The following RAB11FIP1 variants were observed in gnomAD, a reference collection of about 807,000 sequenced individuals.
RAB11FIP1 encodes rab11 family-interacting protein 1.
RAB11FIP1 carries 49 observed loss-of-function variants against 83.1 expected under a neutral mutation model. The observed-to-expected ratio is 0.59, with a 90% CI of 0.47 to 0.75. The LOEUF (loss-of-function observed/expected upper bound fraction) is 0.75, where lower values mean the gene tolerates loss of function less well. RAB11FIP1 is among the 30% of genes least tolerant of loss of function. RAB11FIP1 has a pLI of 0.00. For missense variants in RAB11FIP1, 1,536 were observed against 1,598.7 expected (o/e 0.96, Z 0.67); for synonymous variants, 670 against 656.0 (o/e 1.02, Z -0.33).
In RAB11FIP1 at chr8:37,874,689, A is replaced by G. The variant is rs371691638; in HGVS notation, c.1448T>C (p.Leu483Pro). Residue 483 changes from leucine to proline, a missense_variant, in exon 3 of 6, where the codon CTT becomes CCT. Physicochemically the swap from Leu to Pro is moderately conservative, Grantham distance 98. Transcript: ENST00000330843. ...AGTATCTTTCTCAGATCTTCTCACA[A>G]GGTCTTCAGCAGGCCCCGATGCGTC... is the stretch of plus-strand genomic sequence containing the variant. ...GEDASGPAED[L>P]VRRSEKDTAA... 1.6e-5 allele frequency: 26 copies of G among 1,614,020 alleles called. No homozygotes were observed. The highest frequency in any genetic ancestry group is 2.2e-5 in the South Asian group (2 of 91,088).
Position 37,875,007 on chromosome 8 carries a change from G to C in RAB11FIP1, c.1130C>G (p.Ser377Cys), listed in dbSNP as rs767741616. ...GGAAGATTCGGAGAGCTGCCTGTCA[G>C]AAGACAGCCCACCTCCTTCAGCAGG... ...KEPAEGGGLS[S>C]DRQLSESSTK... is the part of the protein sequence containing the mutation. The change falls in exon 3 of 6, where the codon TCT becomes TGT. Residue 377 changes from serine to cysteine, a missense_variant. By Grantham distance (112) the Ser-to-Cys change is moderately radical. Transcript: ENST00000330843. 1 of 1,614,164 alleles carries C rather than the reference G, an allele frequency of 6.2e-7. No homozygotes were observed. The highest frequency in any genetic ancestry group is 1.1e-5 in the South Asian group (1 of 91,086).
chr8:37,865,346 T>G (rs1174115275), intron 5 of RAB11FIP1, among the ~76,000 whole-genome samples: 1 of 149,706 alleles, frequency 6.7e-6, no homozygotes, highest in Non-Finnish European at 1.5e-5. Context: ...TTGAGACAGA[T>G]TCTCACTGTG....
chr8:37,883,073 C>T (rs1460675920), intron 1 of RAB11FIP1, among the ~76,000 whole-genome samples: 1 of 151,954 alleles, frequency 6.6e-6, no homozygotes, highest in Non-Finnish European at 1.5e-5. Context: ...CACAGGCCAG[C>T]AGGGAAACAG....
At chr8:37,885,549 CA>C (rs1806818062) in intron 1 of RAB11FIP1, among the ~76,000 whole-genome samples, 1 of 151,710 alleles carries the variant, frequency 6.6e-6, no homozygotes, top group South Asian at 2.1e-4. Context: ...TTTTTTTGGT[CA>C]AACACAAGAC....
In RAB11FIP1 at chr8:37,875,387, A is replaced by G. The variant is rs1026793419; in HGVS notation, c.815-65T>C. On this transcript the variant is annotated intron_variant, in intron 2 of 5. Transcript: ENST00000330843. ...AACGGGTGGTTTGCAGTGTAGGGGC[A>G]TCTGTCAACGTCTGGATACATTTCT... 3 of 1,203,086 alleles carry G rather than the reference A, an allele frequency of 2.5e-6. No homozygotes were observed. The African/African-American group carries it at 4.6e-5, about 18-fold the overall frequency. The allele number at this position is 1,203,086 out of a possible 1,614,324, so 74.5% of individuals were successfully genotyped here.
intron 1 of RAB11FIP1, among the ~76,000 whole-genome samples, chr8:37,893,105 C>T (rs1329869350): frequency 7.0e-6 from 1 of 143,392 alleles, no homozygotes; most frequent in Admixed American, 7.0e-5. Flanking sequence ...GACAGAATCT[C>T]ACTCTATAGC....
intron 5 of RAB11FIP1, among the ~76,000 whole-genome samples, chr8:37,869,031 C>T (rs1806396273): frequency 6.6e-6 from 1 of 151,536 alleles, no homozygotes; most frequent in Non-Finnish European, 1.5e-5. Context: ...AGTTCAAGAC[C>T]AGCCTGAGCA....
rs534197616 is a variant in RAB11FIP1, at chr8:37,865,313, T to C, written c.3634-2200A>G. ...TTGGGTCTCTTTATTTTTCCTGGGA[T>C]TCTTTTTTTTTTTTTTCTTTTTTTG... On this transcript the variant is annotated intron_variant, in intron 5 of 5. Transcript: ENST00000330843. Among the ~76,000 whole-genome samples the C allele has an allele frequency of 5.1e-4, 36 of 71,154 alleles. No homozygotes were observed. The East Asian group carries it at 0.07, about 138-fold the overall frequency. 46.7% of individuals were successfully genotyped at this position (71,154 alleles called of 152,430 possible).
rs778901004 is a variant in RAB11FIP1 at position 37,874,934 on chromosome 8, G to C, written c.1203C>G (p.Ala401=). ...CCCTGAGGTCCCCACTGACCAGTGGGGCAGGTCGGTAGGACGGCAGGGTCA... is the reference window on the plus strand; with the variant it reads ...CCCTGAGGTCCCCACTGACCAGTGGCGCAGGTCGGTAGGACGGCAGGGTCA... ...KSMTLPSYRP[A]PLVSGDLREN... The change falls in exon 3 of 6, where the codon GCC becomes GCG. Residue 401 remains alanine, a synonymous_variant. Transcript: ENST00000330843. 17 of 1,614,148 alleles carry C rather than the reference G, an allele frequency of 1.1e-5. No homozygotes were observed. The highest frequency in any genetic ancestry group is 1.3e-5 in the Non-Finnish European group (15 of 1,180,032).
At chr8:37,878,477 T>G (rs1374873842) in intron 1 of RAB11FIP1, among the ~76,000 whole-genome samples, 2 of 134,238 alleles carry the variant, frequency 1.5e-5, no homozygotes, top group African/African-American at 5.8e-5. Flanking sequence ...GACGTTGCAG[T>G]GAGCCGAGAT....
At chr8:37,873,914 C>T (rs949309012) in intron 3 of RAB11FIP1, among the ~76,000 whole-genome samples, 6 of 151,130 alleles carry the variant, frequency 4.0e-5, no homozygotes, top group Admixed American at 6.6e-5. Flanking sequence ...AGCAGAATCT[C>T]TAAAAAAAAA....
intron 5 of RAB11FIP1, among the ~76,000 whole-genome samples, chr8:37,863,692 GTTTTGTTTTA>G (rs1352879434): frequency 6.6e-6 from 1 of 152,174 alleles, no homozygotes; most frequent in African/African-American, 2.4e-5. Context: ...TGGTCTGTTT[GTTTTGTTTTA>G]TTTTGTTGTA....
chr8:37,871,632 C>A lies in RAB11FIP1; in HGVS notation c.3170G>T (p.Gly1057Val), dbSNP rs1360662517. 23 of 1,607,686 alleles carry A rather than the reference C, an allele frequency of 1.4e-5. No individual in the cohort carries two copies. The highest frequency in any genetic ancestry group is 1.9e-5 in the Non-Finnish European group (22 of 1,175,114). The change falls in exon 4 of 6, where the codon GGC becomes GTC. Residue 1057 changes from glycine (G) to valine (V), a missense_variant. Transcript: ENST00000330843. ...TEFGIHKPHL[G>V]KSSSLDKQLP... ...CTGTTTATCCAAGCTTGAGCTCTTG[C>A]CAAGATGTGGTTTGTGAATTCCGAA...
chr8:37,897,502 G>C (rs1443705620), intron 1 of RAB11FIP1, among the ~76,000 whole-genome samples: 5 of 148,616 alleles, frequency 3.4e-5, no homozygotes, highest in Non-Finnish European at 5.9e-5. Flanking sequence ...GAACATAATC[G>C]AACGTTCCTT....
chr8:37,891,093 C>T (rs1485362996), intron 1 of RAB11FIP1, among the ~76,000 whole-genome samples: 4 of 152,170 alleles, frequency 2.6e-5, no homozygotes, highest in African/African-American at 4.8e-5. Flanking sequence ...TTGGTCTCCT[C>T]CTGAGCCAGC....
intron 5 of RAB11FIP1, 147 bp downstream of exon 5, chr8:37,870,273 G>A (rs1025302895): frequency 7.9e-6 from 4 of 506,344 alleles, no homozygotes; most frequent in African/African-American, 5.8e-5. Flanking sequence ...ATGTCTGGGG[G>A]CTTCCAAAGT....
At chr8:37,891,418 A>G (rs1315951049) in intron 1 of RAB11FIP1, among the ~76,000 whole-genome samples, 2 of 152,256 alleles carry the variant, frequency 1.3e-5, no homozygotes, top group African/African-American at 2.4e-5. Flanking sequence ...AATGAAAACC[A>G]TAGTATCTTA....
intron 3 of RAB11FIP1, among the ~76,000 whole-genome samples, chr8:37,873,999 CAG>C (rs917207577): frequency 6.6e-6 from 1 of 152,136 alleles, no homozygotes; most frequent in African/African-American, 2.4e-5. Flanking sequence ...TCCCCAAGGC[CAG>C]TCCCCAAGGC....
chr8:37,877,224 C>G lies in RAB11FIP1; in HGVS notation c.699G>C (p.Gln233His), dbSNP rs1436632512. 4 of 1,614,030 alleles carry G rather than the reference C, an allele frequency of 2.5e-6. No homozygotes were observed. The highest frequency in any genetic ancestry group is 2.5e-6 in the Non-Finnish European group (3 of 1,180,014). The change falls in exon 2 of 6, where the codon CAG becomes CAC. Residue 233 changes from glutamine to histidine, a missense_variant. By Grantham distance (24) the Gln-to-His change is conservative (BLOSUM62 0). Transcript: ENST00000330843. ...KSNLQKTPLS[Q>H]SMSVLPTSKP... is the part of the protein sequence containing the mutation. ...TTGAAGTCGGCAGGACAGACATGGA[C>G]TGGGAAAGAGGCGTCTTCTGCAAAT...
Sources: gnomAD v4.1 joint callset for allele counts (sites outside exome capture counted in the v4.1 genomes callset) on GRCh38, gnomAD v4.1.1 for gene constraint, MANE v1.5 for transcripts, NCBI Gene and HGNC (gene_info 2026-07-23, HGNC 2026-07-21) for gene names.